The following CFAP20DC variants were observed in gnomAD, a reference collection of about 807,000 sequenced individuals.
CFAP20DC encodes the protein CFAP20 domain containing.
In CFAP20DC, 84 loss-of-function variants were observed where a neutral mutation model predicts 101.7. The observed-to-expected ratio is 0.83, with a 90% CI of 0.69 to 0.99. The LOEUF (loss-of-function observed/expected upper bound fraction) is 0.99. CFAP20DC is among the 50% of genes least tolerant of loss of function. The pLI is 0.00. For synonymous variants in CFAP20DC, 359 were observed against 351.2 expected, an observed-to-expected ratio of 1.02 and a Z score of -0.25; for missense variants, 1,007 against 970.3, an observed-to-expected ratio of 1.04 and a Z score of -0.50.
chr3:59,030,671 C>T (rs2093973612), intron 4 of CFAP20DC, among the ~76,000 whole-genome samples: 1 of 152,124 alleles, frequency 6.6e-6, no homozygotes, highest in African/African-American at 2.4e-5. Context: ...GTTTTCCTAT[C>T]CTTAAATAGG....
rs928990094 is a variant in CFAP20DC, at chr3:58,732,685, G to A, written c.198-15057C>T. ...CTCTAATGGGTTTATAACACCCAAC[G>A]TGGCACGAAAGCCGTGGCAAAAACA... On this transcript the variant is annotated intron_variant, in intron 3 of 3. Coordinates refer to the CFAP20DC transcript ENST00000486145. This position sits in a 1 kb window ranked among gnomAD's most constrained non-coding sequence, Gnocchi z 5.4. 1.3e-5 allele frequency among the ~76,000 whole-genome samples: 2 copies of A among 152,196 alleles called. No homozygotes were observed. The highest frequency in any genetic ancestry group is 6.5e-5 in the Admixed American group (1 of 15,284).
intron 4 of CFAP20DC, among the ~76,000 whole-genome samples, chr3:58,999,050 T>C (rs2093227102): frequency 6.6e-6 from 1 of 152,182 alleles, no homozygotes; most frequent in African/African-American, 2.4e-5. Flanking sequence ...GAAAGTTTAT[T>C]AGCAGACAGA....
At chr3:58,807,398 T>A (rs2074185041) in intron 14 of CFAP20DC, among the ~76,000 whole-genome samples, 1 of 152,140 alleles carries the variant, frequency 6.6e-6, no homozygotes, top group African/African-American at 2.4e-5. Flanking sequence ...ACAGCAGCAT[T>A]CGTGGTTCAT....
intron 4 of CFAP20DC, among the ~76,000 whole-genome samples, chr3:59,027,765 T>C (rs1057188942): frequency 6.6e-6 from 1 of 152,208 alleles, no homozygotes; most frequent in African/African-American, 2.4e-5. Flanking sequence ...GTGCTCCTCC[T>C]GTGCACCAGA....
rs1212654671 is a variant in CFAP20DC at position 58,806,887 on chromosome 3, G to T, written c.2176-431C>A. Among the ~76,000 whole-genome samples, 5 of 152,272 alleles carry T rather than the reference G, an allele frequency of 3.3e-5. No homozygotes were observed. The East Asian group carries it at 9.7e-4, about 29-fold the overall frequency. ...CCCTAATACTGCACTTTTCCAACGG[G>T]CTTAAAAAACGGCGCACCAGGAGAT... On this transcript the variant is annotated intron_variant, in intron 14 of 16. Transcript: ENST00000482387.
In CFAP20DC at chr3:58,971,719, G is replaced by GA. The variant is rs1302157261; in HGVS notation, c.279-33958dup. Among the ~76,000 whole-genome samples, 5 of 152,226 alleles carry GA rather than the reference G, an allele frequency of 3.3e-5. No homozygotes were observed. In the East Asian group the frequency reaches 9.6e-4, roughly 29 times the overall value. On this transcript the variant is annotated intron_variant, in intron 4 of 16. Coordinates refer to ENST00000482387, the MANE Select transcript of CFAP20DC (RefSeq NM_001394063.1). The surrounding 1 kb of genome is among the most constrained non-coding windows in gnomAD (Gnocchi z 4.1). ...TATATATAGCGCTATTAAAAAGAGT[G>GA]AGACAGATTTAGTAGTATGGAAATC...
At chr3:58,955,230 A>C (rs2090518362) in intron 4 of CFAP20DC, among the ~76,000 whole-genome samples, 1 of 152,090 alleles carries the variant, frequency 6.6e-6, no homozygotes, top group Admixed American at 6.6e-5. Flanking sequence ...ACACAGAAAA[A>C]AACACCTTCA....
At chr3:58,991,361 T>C (rs2108619937) in intron 4 of CFAP20DC, among the ~76,000 whole-genome samples, 1 of 152,308 alleles carries the variant, frequency 6.6e-6, no homozygotes, top group East Asian at 1.9e-4. Flanking sequence ...AAAGGCTACA[T>C]ATGAAACAGC....
intron 12 of CFAP20DC, among the ~76,000 whole-genome samples, chr3:58,852,028 G>A (rs1215382887): frequency 6.6e-6 from 1 of 152,132 alleles, no homozygotes; most frequent in East Asian, 1.9e-4. Context: ...AAAGTCAACA[G>A]CAAAATGCCT....
At chr3:58,871,340 A>G (rs2080193934) in intron 7 of CFAP20DC, among the ~76,000 whole-genome samples, 1 of 152,104 alleles carries the variant, frequency 6.6e-6, no homozygotes, top group Non-Finnish European at 1.5e-5. Context: ...TGAAGAGCCT[A>G]TTCTAAATTT....
chr3:58,949,014 T>C (rs2089735355), intron 4 of CFAP20DC, among the ~76,000 whole-genome samples: 1 of 152,206 alleles, frequency 6.6e-6, no homozygotes, highest in East Asian at 1.9e-4. Flanking sequence ...TGGTTTAGTC[T>C]TGGGAGGGTG....
Position 58,761,957 on chromosome 3 carries a change from C to T in CFAP20DC, c.2238-8094G>A, listed in dbSNP as rs530481569. ...TTGCTGAGGAGTGCTTTACTTCCAACTATGTGGTCAATTTTGGAATAGGTG... is the reference window on the plus strand; with the variant it reads ...TTGCTGAGGAGTGCTTTACTTCCAATTATGTGGTCAATTTTGGAATAGGTG... On this transcript the variant is annotated intron_variant, in intron 15 of 16. Coordinates refer to ENST00000482387, the MANE Select transcript of CFAP20DC (RefSeq NM_001394063.1). 2.2e-3 allele frequency among the ~76,000 whole-genome samples: 333 copies of T among 152,000 alleles called. 4 individuals are homozygous for T. Among genetic ancestry groups the T allele is most frequent in the African/African-American group, 7.7e-3 (318 of 41,436 alleles).
chr3:58,842,351 G>A (rs987981368), intron 13 of CFAP20DC, among the ~76,000 whole-genome samples: 1 of 152,194 alleles, frequency 6.6e-6, no homozygotes, highest in Non-Finnish European at 1.5e-5. Flanking sequence ...TGCCTCACCT[G>A]GGAAGCGCAA....
chr3:58,853,854 T>A (rs1050589015), intron 12 of CFAP20DC, among the ~76,000 whole-genome samples: 4 of 151,994 alleles, frequency 2.6e-5, no homozygotes, highest in Non-Finnish European at 2.9e-5. Context: ...AAGAGCTATC[T>A]ATGACAAACC....
intron 3 of CFAP20DC, among the ~76,000 whole-genome samples, chr3:58,731,646 A>C (rs750547882): frequency 6.6e-5 from 10 of 152,260 alleles, no homozygotes; most frequent in Non-Finnish European, 1.5e-4. Flanking sequence ...ATATGCAAAA[A>C]TATCAATAAC....
intron 15 of CFAP20DC, among the ~76,000 whole-genome samples, chr3:58,757,193 T>C (rs962459309): frequency 4.6e-5 from 7 of 152,258 alleles, no homozygotes; most frequent in Middle Eastern, 3.4e-3. Context: ...TGTATGAGAA[T>C]GCTGATTTCC....
chr3:58,801,030 G>A (rs1160965826), intron 15 of CFAP20DC, among the ~76,000 whole-genome samples: 1 of 144,462 alleles, frequency 6.9e-6, no homozygotes, highest in Non-Finnish European at 1.5e-5. Flanking sequence ...GGGTGGGGTG[G>A]GGTGGGGGTG....
Position 58,785,966 on chromosome 3 carries a change from T to C in CFAP20DC, c.2237+20429A>G, listed in dbSNP as rs534808546. On this transcript the variant is annotated intron_variant, in intron 15 of 16. Transcript: ENST00000482387. ...CATATATTTACCTTCTCACAGTTTC[T>C]GGCCCTTGAAAGCCAAAAACTGCTT... Among the ~76,000 whole-genome samples, 44 of 152,274 alleles carry C rather than the reference T, an allele frequency of 2.9e-4. No individual in the cohort carries two copies. In the South Asian group the frequency reaches 8.7e-3, roughly 30 times the overall value.
intron 4 of CFAP20DC, among the ~76,000 whole-genome samples, chr3:58,993,409 T>C (rs573792305): frequency 6.6e-6 from 1 of 152,186 alleles, no homozygotes; most frequent in Non-Finnish European, 1.5e-5. Flanking sequence ...GTTATCTTCA[T>C]GGTGAATTTC....
Sources: allele counts gnomAD v4.1 joint callset (sites outside exome capture counted in the v4.1 genomes callset), GRCh38; gene constraint gnomAD v4.1.1; non-coding constraint Gnocchi (gnomAD v3.1); transcripts MANE v1.5; gene names NCBI Gene and HGNC (gene_info 2026-07-23, HGNC 2026-07-21).